Variants in MYO3B observed in about 807,000 individuals in gnomAD.
The protein encoded by MYO3B is myosin IIIB, also known as myosin-IIIb.
Under a neutral mutation model 174.6 loss-of-function variants are expected in MYO3B, and 156 were observed. The ratio of observed to expected loss-of-function variants is 0.89; its 90% CI spans 0.78 to 1.02. The LOEUF (loss-of-function observed/expected upper bound fraction) is 1.02. Ranked by LOEUF, MYO3B falls within the 50% of genes least tolerant of loss-of-function variation. MYO3B has a pLI of 0.00. For missense variants in MYO3B, 1,632 were observed against 1,639.4 expected, an observed-to-expected ratio of 1.00 and a Z score of 0.08; for synonymous variants, 563 against 569.1, an observed-to-expected ratio of 0.99 and a Z score of 0.15.
chr2:170,381,508 T>C (rs895417275), intron 9 of MYO3B, among the ~76,000 whole-genome samples: 1 of 152,168 alleles, frequency 6.6e-6, no homozygotes, highest in Admixed American at 6.6e-5. Context: ...CACAAAGGGA[T>C]TTCACATGAA....
Position 170,558,327 on chromosome 2 carries a change from G to A in MYO3B, c.3733+14339G>A, listed in dbSNP as rs993124332. Among the ~76,000 whole-genome samples the A allele has an allele frequency of 2.6e-5, 4 of 151,018 alleles. No individual in the cohort carries two copies. The East Asian group carries it at 5.8e-4, about 22-fold the overall frequency. ...CCAAAAAAAAAAAAATGCTTAAAAC[G>A]AAAATGGACAGTATAATAAATTATT... On this transcript the variant is annotated intron_variant, in intron 32 of 34. Coordinates refer to ENST00000408978, the MANE Select transcript of MYO3B (RefSeq NM_138995.5).
intron 18 of MYO3B, among the ~76,000 whole-genome samples, chr2:170,402,274 G>C (rs1270109888): frequency 2.0e-5 from 3 of 152,158 alleles, no homozygotes; most frequent in African/African-American, 2.4e-5. Flanking sequence ...GTTTTAATCA[G>C]CTGCATGTTC....
rs570254778 is a variant in MYO3B, at chr2:170,589,360, A to G, written c.3733+45372A>G. Among the ~76,000 whole-genome samples the G allele has an allele frequency of 2.6e-5, 4 of 152,330 alleles. No homozygotes were observed. The South Asian group carries it at 8.3e-4, about 32-fold the overall frequency. On this transcript the variant is annotated intron_variant, in intron 32 of 34. Coordinates refer to ENST00000408978, the MANE Select transcript of MYO3B (RefSeq NM_138995.5). Reference sequence around the variant, plus strand: ...ACACCACCTCCTCAAGAAGAGCCTCAGGCAGGTCCTTTAGGAGGTGTTTCA... The same window carrying G: ...ACACCACCTCCTCAAGAAGAGCCTCGGGCAGGTCCTTTAGGAGGTGTTTCA...
intron 23 of MYO3B, among the ~76,000 whole-genome samples, chr2:170,462,959 G>GC (rs549967020): frequency 6.7e-4 from 102 of 152,328 alleles, no homozygotes; most frequent in African/African-American, 2.4e-3. Context: ...ACTGGTGCTG[G>GC]CCTAATTCCC....
intron 22 of MYO3B, among the ~76,000 whole-genome samples, chr2:170,426,193 A>G (rs28691580): frequency 0.025 from 3,838 of 151,752 alleles, 142 homozygotes; most frequent in African/African-American, 0.085. Context: ...GAAGATAAAC[A>G]GGGGGTGCTG....
intron 23 of MYO3B, among the ~76,000 whole-genome samples, chr2:170,448,125 G>C (rs1683355274): frequency 6.6e-6 from 1 of 152,182 alleles, no homozygotes; most frequent in South Asian, 2.1e-4. Flanking sequence ...TAATTTGTTA[G>C]TCTTGCAAAG....
chr2:170,201,425 C>T (rs1189955026), intron 3 of MYO3B, among the ~76,000 whole-genome samples: 1 of 152,160 alleles, frequency 6.6e-6, no homozygotes, highest in African/African-American at 2.4e-5. Context: ...AACCAGCCCT[C>T]ACTTCACTGT....
In MYO3B at chr2:170,575,911, G is replaced by A. The variant is rs568182754; in HGVS notation, c.3733+31923G>A. Among the ~76,000 whole-genome samples, 60 of 152,194 alleles carry A rather than the reference G, an allele frequency of 3.9e-4. 1 individual carries two copies. The Middle Eastern group carries it at 0.017, about 43-fold the overall frequency. On this transcript the variant is annotated intron_variant, in intron 32 of 34. Coordinates refer to ENST00000408978, the MANE Select transcript of MYO3B (RefSeq NM_138995.5). ...CATTCGTATTGCCTCCTAGACTCTC[G>A]TAGCTGAAAGGATTCTTTAGAGATT...
At chr2:170,240,479 G>C (rs535797244) in intron 7 of MYO3B, among the ~76,000 whole-genome samples, 7 of 152,298 alleles carry the variant, frequency 4.6e-5, no homozygotes, top group African/African-American at 1.4e-4. Flanking sequence ...AGGCAGGCTT[G>C]CTTCCCTCCT....
intron 32 of MYO3B, among the ~76,000 whole-genome samples, chr2:170,567,099 GT>G (rs1692120017): frequency 6.6e-6 from 1 of 152,070 alleles, no homozygotes; most frequent in African/African-American, 2.4e-5. Flanking sequence ...AATTTGAGCT[GT>G]ATTTATTGCA....
intron 7 of MYO3B, among the ~76,000 whole-genome samples, chr2:170,254,438 G>A (rs1387553597): frequency 6.6e-6 from 1 of 152,162 alleles, no homozygotes; most frequent in East Asian, 1.9e-4. Context: ...GACTCGGGGG[G>A]GCGCATCTGA....
intron 3 of MYO3B, among the ~76,000 whole-genome samples, chr2:170,212,363 TC>T (rs541707988): frequency 9.5e-4 from 145 of 152,232 alleles, no homozygotes; most frequent in African/African-American, 3.0e-3. Flanking sequence ...CAGCCGACAT[TC>T]CTGACCTCCA....
chr2:170,593,305 G>T (rs975641722), intron 32 of MYO3B, among the ~76,000 whole-genome samples: 1 of 152,148 alleles, frequency 6.6e-6, no homozygotes, highest in Admixed American at 6.5e-5. Context: ...GTCTCGCTAT[G>T]TTGCCCAGGC....
intron 1 of MYO3B, among the ~76,000 whole-genome samples, chr2:170,195,581 G>C (rs2092590207): frequency 6.6e-6 from 1 of 152,110 alleles, no homozygotes; most frequent in Non-Finnish European, 1.5e-5. Flanking sequence ...ACTGGACAAG[G>C]ACCTAGGTAC....
At chr2:170,609,405 T>C (rs185232690) in intron 32 of MYO3B, among the ~76,000 whole-genome samples, 3 of 152,302 alleles carry the variant, frequency 2.0e-5, no homozygotes, top group African/African-American at 7.2e-5. Flanking sequence ...TAATACATGA[T>C]GTACTAGACC....
At chr2:170,511,958 T>G (rs1158003931) in intron 28 of MYO3B, among the ~76,000 whole-genome samples, 2 of 152,130 alleles carry the variant, frequency 1.3e-5, no homozygotes, top group African/African-American at 4.8e-5. Context: ...GGTCCCTAGA[T>G]GATCAGAAGG....
intron 30 of MYO3B, among the ~76,000 whole-genome samples, chr2:170,529,667 G>T (rs7586400): frequency 6.6e-6 from 1 of 151,882 alleles, no homozygotes; most frequent in Non-Finnish European, 1.5e-5. Flanking sequence ...TTATATTCCC[G>T]CTCAGAATGA....
chr2:170,378,793 T>A (rs1446959883), intron 9 of MYO3B, among the ~76,000 whole-genome samples: 2 of 152,214 alleles, frequency 1.3e-5, no homozygotes, highest in Non-Finnish European at 2.9e-5. Flanking sequence ...TATAAAAATG[T>A]CATCCAATGT....
chr2:170,475,549 C>T (rs989068626), intron 25 of MYO3B, among the ~76,000 whole-genome samples: 12 of 152,210 alleles, frequency 7.9e-5, no homozygotes, highest in African/African-American at 2.9e-4. Flanking sequence ...GCCACCACGT[C>T]CAGCTTATTC....
Sources: gnomAD v4.1 joint callset for allele counts (sites outside exome capture counted in the v4.1 genomes callset) on GRCh38, gnomAD v4.1.1 for gene constraint, MANE v1.5 for transcripts, NCBI Gene and HGNC (gene_info 2026-07-23, HGNC 2026-07-21) for gene names.